Variants in ST6GAL1 observed in about 807,000 individuals in gnomAD.
ST6GAL1 encodes the protein ST6 beta-galactoside alpha-2,6-sialyltransferase 1.
In ST6GAL1, 20 loss-of-function variants were observed where a neutral mutation model predicts 38.0. The observed-to-expected ratio is 0.53, with a 90% confidence interval of 0.37 to 0.77. The LOEUF is 0.77. Ranked by LOEUF, ST6GAL1 falls within the 30% of genes least tolerant of loss-of-function variation. The pLI, the probability that ST6GAL1 is intolerant of heterozygous loss-of-function variation, is 0.00. For missense variants in ST6GAL1, 432 were observed against 496.4 expected, an observed-to-expected ratio of 0.87 and a Z score of 1.23; for synonymous variants, 196 against 188.2, an observed-to-expected ratio of 1.04 and a Z score of -0.34.
intron 5 of ST6GAL1, among the ~76,000 whole-genome samples, chr3:187,054,276 T>C (rs1016068003): frequency 1.6e-4 from 24 of 152,176 alleles, no homozygotes; most frequent in African/African-American, 5.8e-4. Context: ...CTTTTCCTAA[T>C]TGAATACCCT....
At chr3:187,043,453 G>T (rs1718197986) in intron 4 of ST6GAL1, 143 bp downstream of exon 4, 31 of 1,225,680 alleles carry the variant, frequency 2.5e-5, no homozygotes, top group Non-Finnish European at 3.3e-5. Context: ...AGAGTCACAA[G>T]TGACACAGAG....
At chr3:187,056,800 G>C (rs1023542795) in intron 5 of ST6GAL1, among the ~76,000 whole-genome samples, 4 of 152,228 alleles carry the variant, frequency 2.6e-5, no homozygotes, top group African/African-American at 9.6e-5. Flanking sequence ...TCTTCTCGAG[G>C]AGTATCTTTG....
At chr3:187,032,889 C>T (rs1266962878) in intron 2 of ST6GAL1, among the ~76,000 whole-genome samples, 1 of 152,128 alleles carries the variant, frequency 6.6e-6, no homozygotes, top group African/African-American at 2.4e-5. Flanking sequence ...AGCTGGGGTT[C>T]TCCCAACCTG....
intron 2 of ST6GAL1, among the ~76,000 whole-genome samples, chr3:186,984,805 A>T (rs56336930): frequency 0.32 from 13,860 of 43,932 alleles, 2,103 homozygotes; most frequent in Non-Finnish European, 0.36. Flanking sequence ...CCTTCCTTCC[A>T]TCCTTCCTTC....
chr3:186,965,901 T>C (rs547805975), intron 2 of ST6GAL1, among the ~76,000 whole-genome samples: 2 of 152,284 alleles, frequency 1.3e-5, no homozygotes, highest in Admixed American at 1.3e-4. Context: ...ACTAAGATCT[T>C]ATTTTTTATT....
chr3:187,043,431 AGT>A, intron 4 of ST6GAL1, 121 bp downstream of exon 4: 1 of 1,421,336 alleles, frequency 7.0e-7, no homozygotes, highest in Non-Finnish European at 9.4e-7. Context: ...GGCCCAGGGC[AGT>A]GTTTTTTTCA....
intron 2 of ST6GAL1, among the ~76,000 whole-genome samples, chr3:187,031,556 C>T (rs1188897313): frequency 6.6e-6 from 1 of 152,050 alleles, no homozygotes. Flanking sequence ...CTACATCAGC[C>T]TCCCGAGTAA....
chr3:187,005,870 C>T (rs556429764), intron 2 of ST6GAL1, among the ~76,000 whole-genome samples: 89 of 152,190 alleles, frequency 5.8e-4, no homozygotes, highest in Non-Finnish European at 9.6e-4. Context: ...AGGGAAGGAC[C>T]GACCAACAGG....
chr3:187,064,412 G>A (rs917098184), intron 5 of ST6GAL1: 2 of 424,178 alleles, frequency 4.7e-6, no homozygotes, highest in African/African-American at 4.0e-5. Flanking sequence ...ATTCACAAAG[G>A]GTTGCGAAAT....
chr3:187,053,416 G>T (rs4686845), intron 5 of ST6GAL1, among the ~76,000 whole-genome samples: 40,015 of 152,074 alleles, frequency 0.26, 5,343 homozygotes, highest in Middle Eastern at 0.28. Flanking sequence ...TTCTTCCAGG[G>T]TTTTTATGGT....
chr3:187,000,486 C>T (rs192576144), intron 2 of ST6GAL1, among the ~76,000 whole-genome samples: 55 of 152,158 alleles, frequency 3.6e-4, no homozygotes, highest in African/African-American at 1.2e-3. Context: ...CGCTTGAACC[C>T]GGGAGGCCGA....
chr3:186,951,108 C>G (rs1001883541), intron 1 of ST6GAL1, among the ~76,000 whole-genome samples: 1 of 152,084 alleles, frequency 6.6e-6, no homozygotes, highest in East Asian at 1.9e-4. Flanking sequence ...TTGTTTTTGT[C>G]CCCCAGGCTG....
chr3:187,051,129 A>T lies in ST6GAL1; in HGVS notation c.608-120A>T, dbSNP rs1042834967. The T allele has an allele frequency of 3.1e-5, 27 of 859,124 alleles. No individual in the cohort carries two copies. In the Admixed American group the frequency reaches 4.2e-4, roughly 13 times the overall value. The allele number at this position is 859,124 out of a possible 1,614,324, so 53.2% of individuals were successfully genotyped here. On this transcript the variant is annotated intron_variant, in intron 4 of 7. Transcript: ENST00000169298. Reference sequence around the variant, plus strand: ...ATACTGCCATTTCGCCCTGTGGATCATGATGGGGTAAAGATGGGGAAGCAT... The same window carrying T: ...ATACTGCCATTTCGCCCTGTGGATCTTGATGGGGTAAAGATGGGGAAGCAT...
At chr3:187,020,592 T>C (rs1329058809) in intron 2 of ST6GAL1, among the ~76,000 whole-genome samples, 3 of 152,250 alleles carry the variant, frequency 2.0e-5, no homozygotes, top group Non-Finnish European at 4.4e-5. Flanking sequence ...CGCCACATTA[T>C]CTGGCTGCCC....
chr3:187,010,061 C>T (rs1162012214), intron 2 of ST6GAL1, among the ~76,000 whole-genome samples: 3 of 152,028 alleles, frequency 2.0e-5, no homozygotes, highest in South Asian at 2.1e-4. Flanking sequence ...TTTAACTTGT[C>T]CTCTTTAAAG....
chr3:187,014,891 C>A (rs17776120), intron 2 of ST6GAL1, among the ~76,000 whole-genome samples: 49,449 of 152,034 alleles, frequency 0.33, 8,790 homozygotes, highest in East Asian at 0.41. Context: ...TGACACATGA[C>A]AAAATCACAC....
At chr3:186,970,215 C>CTTTT (rs34302492) in intron 2 of ST6GAL1, among the ~76,000 whole-genome samples, 3 of 132,814 alleles carry the variant, frequency 2.3e-5, no homozygotes, top group Non-Finnish European at 4.8e-5. Context: ...TTTTCTTTTT[C>CTTTT]TTTTTTTTTT....
At chr3:186,976,541 T>C (rs915928445) in intron 2 of ST6GAL1, among the ~76,000 whole-genome samples, 1 of 152,208 alleles carries the variant, frequency 6.6e-6, no homozygotes, top group Admixed American at 6.5e-5. Flanking sequence ...GCGCTTCTCC[T>C]GCTTCAGCCT....
intron 5 of ST6GAL1, among the ~76,000 whole-genome samples, chr3:187,071,320 G>C (rs543040554): frequency 1.1e-3 from 163 of 152,174 alleles, no homozygotes; most frequent in Non-Finnish European, 2.0e-3. Context: ...TTTCTTAAGA[G>C]GGACATGGCT....
Sources: gnomAD v4.1 joint callset for allele counts (sites outside exome capture counted in the v4.1 genomes callset) on GRCh38, gnomAD v4.1.1 for gene constraint, MANE v1.5 for transcripts, NCBI Gene and HGNC (gene_info 2026-07-23, HGNC 2026-07-21) for gene names.